The following ARHGAP42 variants were observed in gnomAD, a reference collection of about 807,000 sequenced individuals.
ARHGAP42 encodes rho GTPase-activating protein 42.
A neutral mutation model predicts 125.0 loss-of-function variants in ARHGAP42; 63 were observed. The ratio of observed to expected loss-of-function variants is 0.50; its 90% confidence interval spans 0.41 to 0.62. The LOEUF is 0.62. Ranked by LOEUF, ARHGAP42 falls within the 20% of genes least tolerant of loss-of-function variation. ARHGAP42 has a pLI of 0.00. For missense variants in ARHGAP42, 766 were observed against 1,024.2 expected (o/e 0.75, Z 3.44); for synonymous variants, 339 against 351.0 (o/e 0.97, Z 0.38).
chr11:100,818,163 T>A (rs1864313446), intron 3 of ARHGAP42, among the ~76,000 whole-genome samples: 1 of 152,190 alleles, frequency 6.6e-6, no homozygotes, highest in Non-Finnish European at 1.5e-5. Context: ...TCCTGCTTCC[T>A]CCAAAGTTAT....
In ARHGAP42 at chr11:100,988,884, G is replaced by A; in HGVS notation, c.*83G>A. 3.0e-6 allele frequency: 3 copies of A among 993,586 alleles called. No homozygotes were observed. The highest frequency in any genetic ancestry group is 4.4e-6 in the Non-Finnish European group (3 of 678,546). The allele number at this position is 993,586 out of a possible 1,614,324, so 61.5% of individuals were successfully genotyped here. On this transcript the variant is annotated 3_prime_UTR_variant, in exon 24 of 24. Coordinates refer to ENST00000298815, the MANE Select transcript of ARHGAP42 (RefSeq NM_152432.4). ...GATTTTATCTGACACAGATACACGG[G>A]GATCAGCCCACTAAGTGAAAACAGT... is the stretch of plus-strand genomic sequence containing the variant.
chr11:100,935,501 T>G (rs1302679093), intron 7 of ARHGAP42, among the ~76,000 whole-genome samples: 3 of 151,566 alleles, frequency 2.0e-5, no homozygotes, highest in Non-Finnish European at 4.4e-5. Flanking sequence ...ATTTATTTTG[T>G]TTTTTTCCCT....
chr11:100,836,722 G>GT (rs1864795745), intron 3 of ARHGAP42, among the ~76,000 whole-genome samples: 3 of 113,988 alleles, frequency 2.6e-5, no homozygotes, highest in Non-Finnish European at 3.6e-5. Flanking sequence ...TTTTTTTGTT[G>GT]TTGTTTTCTT....
intron 6 of ARHGAP42, among the ~76,000 whole-genome samples, chr11:100,929,187 A>T (rs1393640854): frequency 6.6e-6 from 1 of 152,132 alleles, no homozygotes; most frequent in Non-Finnish European, 1.5e-5. Flanking sequence ...GGCATTAGTT[A>T]GATTCTCATA....
intron 6 of ARHGAP42, among the ~76,000 whole-genome samples, chr11:100,921,977 G>A (rs34501581): frequency 6.6e-6 from 1 of 151,638 alleles, no homozygotes; most frequent in Non-Finnish European, 1.5e-5. Context: ...GTTGGCGGGA[G>A]GGGGGTGCAG....
chr11:100,751,085 C>A (rs938949362), intron 1 of ARHGAP42, among the ~76,000 whole-genome samples: 1 of 151,470 alleles, frequency 6.6e-6, no homozygotes, highest in East Asian at 1.9e-4. Flanking sequence ...ATTACAGGGG[C>A]CTGCCACCAC....
At chr11:100,783,169 C>T (rs1269539038) in intron 2 of ARHGAP42, among the ~76,000 whole-genome samples, 1 of 152,206 alleles carries the variant, frequency 6.6e-6, no homozygotes, top group Non-Finnish European at 1.5e-5. Flanking sequence ...GTCATGGTGG[C>T]TCACGCCTGT....
chr11:100,940,052 A>T (rs941804620), intron 8 of ARHGAP42, among the ~76,000 whole-genome samples: 11 of 152,174 alleles, frequency 7.2e-5, no homozygotes, highest in Admixed American at 2.6e-4. Flanking sequence ...ATTATCAACA[A>T]GTATTATTAA....
At chr11:100,714,676 T>G (rs1861624008) in intron 1 of ARHGAP42, among the ~76,000 whole-genome samples, 1 of 152,156 alleles carries the variant, frequency 6.6e-6, no homozygotes, top group South Asian at 2.1e-4. Context: ...TTTCAGATTC[T>G]TTTTGGTCAG....
At chr11:100,789,061 A>G (rs944083593) in intron 2 of ARHGAP42, among the ~76,000 whole-genome samples, 3 of 152,154 alleles carry the variant, frequency 2.0e-5, no homozygotes, top group Non-Finnish European at 4.4e-5. Context: ...TGACCAAGTC[A>G]TCTGCTCTGG....
At chr11:100,929,366 C>T (rs1001177923) in intron 6 of ARHGAP42, among the ~76,000 whole-genome samples, 3 of 152,164 alleles carry the variant, frequency 2.0e-5, no homozygotes, top group Non-Finnish European at 4.4e-5. Context: ...TACTGGCCTG[C>T]AGCCCAGGGA....
intron 12 of ARHGAP42, 37 bp from the exon 13 acceptor site, chr11:100,959,846 G>T: frequency 6.5e-7 from 1 of 1,541,378 alleles, no homozygotes. Context: ...TGTGAGTTCA[G>T]CGTAAACACC....
intron 1 of ARHGAP42, among the ~76,000 whole-genome samples, chr11:100,762,160 C>T (rs1196366488): frequency 6.6e-6 from 1 of 152,156 alleles, no homozygotes; most frequent in African/African-American, 2.4e-5. Context: ...TGGATGTATC[C>T]ACTGCAAAGC....
At chr11:100,726,954 G>A (rs1861872581) in intron 1 of ARHGAP42, among the ~76,000 whole-genome samples, 1 of 152,226 alleles carries the variant, frequency 6.6e-6, no homozygotes, top group African/African-American at 2.4e-5. Context: ...GGGAAGTCCT[G>A]AAAGTTGAGG....
At chr11:100,928,117 C>T (rs1312186966) in intron 6 of ARHGAP42, among the ~76,000 whole-genome samples, 2 of 152,124 alleles carry the variant, frequency 1.3e-5, no homozygotes, top group Non-Finnish European at 2.9e-5. Flanking sequence ...GCAAAGACTA[C>T]AGATTTAACT....
At chr11:100,947,889 A>G (rs1001111220) in intron 10 of ARHGAP42, among the ~76,000 whole-genome samples, 6 of 151,924 alleles carry the variant, frequency 3.9e-5, no homozygotes, top group East Asian at 1.9e-4. Flanking sequence ...TTCTTGAAGT[A>G]TATCCTCAAG....
At chr11:100,799,706 T>C (rs1342398634) in intron 3 of ARHGAP42, among the ~76,000 whole-genome samples, 13 of 152,218 alleles carry the variant, frequency 8.5e-5, no homozygotes, top group Non-Finnish European at 1.5e-5. Context: ...AGTACCATAG[T>C]TATAATTCTA....
At chr11:100,820,141 G>T (rs1046581002) in intron 3 of ARHGAP42, among the ~76,000 whole-genome samples, 2 of 152,090 alleles carry the variant, frequency 1.3e-5, no homozygotes, top group African/African-American at 2.4e-5. Context: ...ATTACTAATG[G>T]AGTGTGATTG....
Position 100,974,564 on chromosome 11 carries a change from C to A in ARHGAP42, c.1816C>A (p.Pro606Thr). The change falls in exon 19 of 24, where the codon CCC (proline) becomes ACC (threonine). Residue 606 changes from proline to threonine, a missense_variant. Physicochemically the swap from Pro to Thr is conservative, Grantham distance 38. This residue lies in a region of ARHGAP42 where 308 missense variants were observed against 369.7 expected (regional missense o/e 0.83). Transcript: ENST00000298815. Reference sequence around the variant, plus strand: ...CTGCCTCTCTACAGGGTCTAGGAAGCCCAGAGGGAGGTATACTCCATGCCT... The same window carrying A: ...CTGCCTCTCTACAGGGTCTAGGAAGACCAGAGGGAGGTATACTCCATGCCT... ...AICLSTGSRK[P>T]RGRYTPCLAE... 6.4e-7 allele frequency: 1 copy of A among 1,551,066 alleles called. No homozygotes were observed. Among genetic ancestry groups the A allele is most frequent in the Non-Finnish European group, 8.7e-7 (1 of 1,146,594 alleles).
Sources: gnomAD v4.1 joint callset for allele counts (sites outside exome capture counted in the v4.1 genomes callset) on GRCh38, gnomAD v4.1.1 for gene constraint, gnomAD v4.1.1 regional missense constraint, MANE v1.5 for transcripts, NCBI Gene and HGNC (gene_info 2026-07-23, HGNC 2026-07-21) for gene names.